SPPL2A: variants seen among roughly 807,000 people sequenced by gnomAD.
SPPL2A encodes signal peptide peptidase-like 2A.
Under a neutral mutation model 63.8 loss-of-function variants are expected in SPPL2A, and 51 were observed. That is an observed-to-expected ratio of 0.80 (90% CI 0.64 to 1.01). SPPL2A has a LOEUF of 1.01. SPPL2A is among the 50% of genes least tolerant of loss of function. The probability of loss-of-function intolerance (pLI) is 0.00; values close to 1 mark genes in which losing one functional copy is unlikely to be tolerated. For synonymous variants in SPPL2A, 188 were observed against 205.8 expected (o/e 0.91, Z 0.74); for missense variants, 553 against 622.7 (o/e 0.89, Z 1.19).
intron 8 of SPPL2A, among the ~76,000 whole-genome samples, chr15:50,735,093 C>T (rs1227765329): frequency 4.0e-5 from 6 of 151,830 alleles, no homozygotes; most frequent in Non-Finnish European, 7.4e-5. Context: ...TAAGTAGAGA[C>T]GAGGCTTCTC....
chr15:50,755,506 A>G (rs1298113098), intron 1 of SPPL2A, among the ~76,000 whole-genome samples: 2 of 151,620 alleles, frequency 1.3e-5, no homozygotes, highest in Non-Finnish European at 2.9e-5. Flanking sequence ...CTATAGTCTC[A>G]GCTACTCCAG....
chr15:50,760,997 T>C (rs940842054), intron 1 of SPPL2A, among the ~76,000 whole-genome samples: 7 of 136,852 alleles, frequency 5.1e-5, no homozygotes, highest in Non-Finnish European at 7.9e-5. Flanking sequence ...AAACTATTTT[T>C]TCATTTGTGT....
intron 9 of SPPL2A, 131 bp from the exon 10 acceptor site, chr15:50,731,170 T>G: frequency 2.0e-6 from 1 of 501,616 alleles, no homozygotes; most frequent in Non-Finnish European, 3.6e-6. Flanking sequence ...TATCTTATGG[T>G]TAATACTATG....
intron 1 of SPPL2A, among the ~76,000 whole-genome samples, chr15:50,762,735 CTTT>C (rs72181864): frequency 2.2e-5 from 3 of 137,074 alleles, no homozygotes; most frequent in Non-Finnish European, 3.1e-5. Flanking sequence ...TTTTTCTTTT[CTTT>C]TTTTTTTTTT....
chr15:50,708,080 A>G (rs760176838), intron 14 of SPPL2A, among the ~76,000 whole-genome samples: 6 of 152,206 alleles, frequency 3.9e-5, no homozygotes, highest in Non-Finnish European at 5.9e-5. Context: ...GCCTAATCAC[A>G]TGACTCAAAG....
At chr15:50,733,892 A>C (rs2062749453) in intron 8 of SPPL2A, among the ~76,000 whole-genome samples, 1 of 152,194 alleles carries the variant, frequency 6.6e-6, no homozygotes, top group Non-Finnish European at 1.5e-5. Flanking sequence ...AAAAATAACC[A>C]ACAGATATAT....
At chr15:50,743,130 G>C (rs1182028897) in intron 5 of SPPL2A, 1 of 152,166 alleles carries the variant, frequency 6.6e-6, no homozygotes, top group Non-Finnish European at 1.5e-5. Context: ...AATTAGTCAG[G>C]CTTGGTGGTG....
intron 8 of SPPL2A, among the ~76,000 whole-genome samples, chr15:50,735,340 C>T (rs921174684): frequency 6.6e-6 from 1 of 151,996 alleles, no homozygotes; most frequent in Non-Finnish European, 1.5e-5. Flanking sequence ...AATGTATTCA[C>T]CCATTCAAAG....
At chr15:50,757,227 C>A (rs1459083451) in intron 1 of SPPL2A, among the ~76,000 whole-genome samples, 1 of 151,990 alleles carries the variant, frequency 6.6e-6, no homozygotes, top group African/African-American at 2.4e-5. Flanking sequence ...GGACTACAGG[C>A]GGCCGCCACT....
rs1263273766 is a variant in SPPL2A, at chr15:50,765,498, G to T, written c.36C>A (p.Ala12=). The change falls in exon 1 of 15, where the codon GCC becomes GCA. Residue 12 remains alanine (A), a synonymous_variant. Transcript: ENST00000261854. The part of the protein sequence containing the change: ...GPQRRLSPAG[A]ALLWGFLLQL... ...GGAGCAGGAAGCCCCAGAGTAGGGC[G>T]GCCCCGGCAGGGGACAGCCGCCGCT... is the stretch of plus-strand genomic sequence containing the variant. The T allele has an allele frequency of 6.7e-7, 1 of 1,502,920 alleles. No individual in the cohort carries two copies. The allele number at this position is 1,502,920 out of a possible 1,614,324, so 93.1% of individuals were successfully genotyped here.
chr15:50,717,246 C>A (rs1464555155), intron 14 of SPPL2A, among the ~76,000 whole-genome samples: 2 of 152,132 alleles, frequency 1.3e-5, no homozygotes, highest in African/African-American at 4.8e-5. Context: ...GCAATCATGG[C>A]CCACTGAAGC....
chr15:50,706,987 C>T lies in SPPL2A; in HGVS notation c.*813G>A, dbSNP rs1162807563. ...AAGGATTGGGTTTAAAAAAATACTA[C>T]AAAAATATGCACTTATATTTCCAAA... is the stretch of plus-strand genomic sequence containing the variant. On this transcript the variant is annotated 3_prime_UTR_variant, in exon 15 of 15. Coordinates refer to ENST00000261854, the MANE Select transcript of SPPL2A (RefSeq NM_032802.4). 6.6e-6 allele frequency: 1 copy of T among 152,124 alleles called. No individual in the cohort carries two copies. The allele number at this position is 152,124 out of a possible 1,614,324, so 9.4% of individuals were successfully genotyped here.
intron 1 of SPPL2A, among the ~76,000 whole-genome samples, chr15:50,760,300 G>T (rs998103610): frequency 6.6e-6 from 1 of 150,628 alleles, no homozygotes; most frequent in African/African-American, 2.4e-5. Context: ...TTGCTCTGTC[G>T]CCCAGGCTGG....
chr15:50,728,536 C>G (rs4445841), intron 10 of SPPL2A, among the ~76,000 whole-genome samples: 1 of 151,500 alleles, frequency 6.6e-6, no homozygotes, highest in African/African-American at 2.4e-5. Flanking sequence ...TTAGTAGAGA[C>G]GGGGTTTCAC....
intron 5 of SPPL2A, among the ~76,000 whole-genome samples, chr15:50,745,417 T>C (rs2062850318): frequency 6.6e-6 from 1 of 152,132 alleles, no homozygotes. Flanking sequence ...TCCAAAGAGC[T>C]GGGATTACAG....
intron 8 of SPPL2A, among the ~76,000 whole-genome samples, chr15:50,735,544 TACAC>T (rs59560616): frequency 0.25 from 37,499 of 149,442 alleles, 5,550 homozygotes; most frequent in East Asian, 0.54. Context: ...CATATATACA[TACAC>T]ACACACACAC....
intron 12 of SPPL2A, among the ~76,000 whole-genome samples, chr15:50,723,701 C>T (rs59896046): frequency 3.9e-5 from 6 of 152,304 alleles, no homozygotes; most frequent in Admixed American, 3.3e-4. Flanking sequence ...GTCTTGAACT[C>T]CTGTCCTCAA....
chr15:50,747,451 T>A, intron 5 of SPPL2A, 44 bp downstream of exon 5: 1 of 1,524,954 alleles, frequency 6.6e-7, no homozygotes, highest in Non-Finnish European at 8.9e-7. Context: ...TTGCAGAAAT[T>A]TTTAACCATT....
rs1157122759 is a variant in SPPL2A, at chr15:50,736,749, A to G, written c.734-9T>C. The G allele has an allele frequency of 2.2e-6, 3 of 1,388,882 alleles. No individual in the cohort carries two copies. Among genetic ancestry groups the G allele is most frequent in the Admixed American group, 3.4e-5 (2 of 59,086 alleles). The allele number at this position is 1,388,882 out of a possible 1,614,324, so 86.0% of individuals were successfully genotyped here. On this transcript the variant is annotated splice_polypyrimidine_tract_variant and intron_variant, in intron 6 of 14. Coordinates refer to ENST00000261854, the MANE Select transcript of SPPL2A (RefSeq NM_032802.4). ...TGCTATCATAACATAAACTGAAAAAAACAAAACACTAAATTACATGAGAAC... is the reference window on the plus strand; with the variant it reads ...TGCTATCATAACATAAACTGAAAAAGACAAAACACTAAATTACATGAGAAC...
Sources: allele counts gnomAD v4.1 joint callset (sites outside exome capture counted in the v4.1 genomes callset), GRCh38; gene constraint gnomAD v4.1.1; transcripts MANE v1.5; gene names NCBI Gene and HGNC (gene_info 2026-07-23, HGNC 2026-07-21).